The following ERGIC2 variants were observed in gnomAD, a reference collection of about 807,000 sequenced individuals.
ERGIC2 encodes the protein endoplasmic reticulum-Golgi intermediate compartment protein 2.
In ERGIC2, 31 loss-of-function variants were observed where a neutral mutation model predicts 52.5. That is an observed-to-expected ratio of 0.59 (90% CI 0.44 to 0.80). The LOEUF (loss-of-function observed/expected upper bound fraction) is 0.80. ERGIC2 is among the 30% of genes least tolerant of loss of function. The pLI, the probability that ERGIC2 is intolerant of heterozygous loss-of-function variation, is 0.00. For synonymous variants in ERGIC2, 129 were observed against 140.6 expected, an observed-to-expected ratio of 0.92 and a Z score of 0.58; for missense variants, 395 against 455.2, an observed-to-expected ratio of 0.87 and a Z score of 1.20.
intron 8 of ERGIC2, among the ~76,000 whole-genome samples, chr12:29,353,397 A>G (rs1940159592): frequency 1.3e-5 from 2 of 152,208 alleles, no homozygotes; most frequent in Non-Finnish European, 2.9e-5. Context: ...TTTTCTGAAT[A>G]ACCAAATTAC....
chr12:29,361,044 C>G (rs1332508580), intron 6 of ERGIC2, among the ~76,000 whole-genome samples: 3 of 152,144 alleles, frequency 2.0e-5, no homozygotes, highest in Non-Finnish European at 4.4e-5. Context: ...TTCAGGAGTT[C>G]AAGACCAGCC....
At chr12:29,367,629 T>C (rs1425637325) in intron 4 of ERGIC2, among the ~76,000 whole-genome samples, 2 of 151,868 alleles carry the variant, frequency 1.3e-5, no homozygotes, top group Admixed American at 6.6e-5. Context: ...CTTTTAAAAA[T>C]GTAAAAATTT....
intron 1 of ERGIC2, among the ~76,000 whole-genome samples, chr12:29,378,229 A>C (rs1940540439): frequency 1.3e-5 from 2 of 152,192 alleles, no homozygotes; most frequent in Non-Finnish European, 2.9e-5. Flanking sequence ...GGCAGAGACT[A>C]CAGTGATGTG....
chr12:29,344,762 A>T (rs1036122105), intron 11 of ERGIC2, among the ~76,000 whole-genome samples: 9 of 152,216 alleles, frequency 5.9e-5, no homozygotes, highest in Non-Finnish European at 1.2e-4. Flanking sequence ...CAAAATTTTT[A>T]AAGCACTTAA....
chr12:29,345,755 GGTC>G (rs1940040424), intron 10 of ERGIC2, among the ~76,000 whole-genome samples: 2 of 151,970 alleles, frequency 1.3e-5, no homozygotes, highest in African/African-American at 4.8e-5. Flanking sequence ...CGACCAGTCT[GGTC>G]AAGAGAGCCA....
rs1949822304 is a variant in ERGIC2, at chr12:29,339,561, T to C, written c.*1595A>G. The stretch of plus-strand genomic sequence containing the variant: ...CTCATTCACGATTCAGAATTTTCTG[T>C]TTAAAAATCTTTCAAAGTATGTTAT... On this transcript the variant is annotated 3_prime_UTR_variant, in exon 14 of 14. Transcript: ENST00000360150. 6.6e-6 allele frequency: 1 copy of C among 152,204 alleles called. No homozygotes were observed. Among genetic ancestry groups the C allele is most frequent in the Non-Finnish European group, 1.5e-5 (1 of 68,016 alleles). The allele number at this position is 152,204 out of a possible 1,614,324, so 9.4% of individuals were successfully genotyped here. A position where few individuals can be genotyped will look rare whatever the true frequency, so the allele number is the denominator to read the frequency against.
chr12:29,338,956 A>G lies in ERGIC2; in HGVS notation c.*2200T>C, dbSNP rs1282761412. 2.0e-5 allele frequency: 3 copies of G among 152,190 alleles called. No individual in the cohort carries two copies. Among genetic ancestry groups the G allele is most frequent in the Admixed American group, 6.5e-5 (1 of 15,278 alleles). The allele number at this position is 152,190 out of a possible 1,614,324, so 9.4% of individuals were successfully genotyped here. On this transcript the variant is annotated 3_prime_UTR_variant, in exon 14 of 14. Transcript: ENST00000360150. ...CCAGGCATAGGGAAAGTTGCATAAC[A>G]GGTAGGTGAGTAAAGTGCTCTCTGC...
intron 1 of ERGIC2, among the ~76,000 whole-genome samples, chr12:29,374,517 A>G (rs1235568232): frequency 6.6e-6 from 1 of 152,202 alleles, no homozygotes; most frequent in Admixed American, 6.5e-5. Context: ...CTCTCTGCAG[A>G]TATGTATAAC....
At chr12:29,342,405 G>C (rs1949846213) in intron 12 of ERGIC2, among the ~76,000 whole-genome samples, 1 of 152,112 alleles carries the variant, frequency 6.6e-6, no homozygotes, top group Non-Finnish European at 1.5e-5. Flanking sequence ...TTGAAATGAA[G>C]CACTAACAAA....
chr12:29,351,036 T>A (rs1940124102), intron 8 of ERGIC2, among the ~76,000 whole-genome samples: 1 of 152,082 alleles, frequency 6.6e-6, no homozygotes, highest in Non-Finnish European at 1.5e-5. Context: ...CTGATGGAAG[T>A]TCTCTCACTC....
intron 5 of ERGIC2, among the ~76,000 whole-genome samples, chr12:29,366,097 T>A (rs570946645): frequency 3.3e-5 from 5 of 151,916 alleles, no homozygotes; most frequent in African/African-American, 1.2e-4. Flanking sequence ...CTTTGCAAAT[T>A]TGCTAAAAGA....
At chr12:29,368,399 C>T (rs187814941) in intron 3 of ERGIC2, 112 bp from the exon 4 acceptor site, 13 of 594,016 alleles carry the variant, frequency 2.2e-5, no homozygotes, top group African/African-American at 7.7e-5. Flanking sequence ...TAAATTATGT[C>T]GATTAGAACT....
In ERGIC2 at chr12:29,357,756, A is replaced by G. The variant is rs116217265; in HGVS notation, c.375-32T>C. 1.1e-3 allele frequency: 1,356 copies of G among 1,186,010 alleles called. 15 individuals are homozygous for G. The African/African-American group carries it at 0.018, about 16-fold the overall frequency. The allele number at this position is 1,186,010 out of a possible 1,614,324, so 73.5% of individuals were successfully genotyped here. A position where few individuals can be genotyped will look rare whatever the true frequency, so the allele number is the denominator to read the frequency against. ...AAGAAGCAATAATTTAGAACTACAG[A>G]AAGGTACACAAAGAGAGCTGACACT... On this transcript the variant is annotated intron_variant, in intron 6 of 13. Transcript: ENST00000360150.
chr12:29,351,388 A>G (rs534553427), intron 8 of ERGIC2, among the ~76,000 whole-genome samples: 2 of 152,282 alleles, frequency 1.3e-5, no homozygotes, highest in Middle Eastern at 6.8e-3. Flanking sequence ...GATGTACTGA[A>G]TTTGTGTTCT....
intron 11 of ERGIC2, 25 bp from the exon 12 acceptor site, chr12:29,343,307 G>A (rs201238818): frequency 5.0e-5 from 78 of 1,549,310 alleles, no homozygotes; most frequent in South Asian, 3.9e-4. Context: ...AAAGGAAGGG[G>A]AGAAATAGGA....
Position 29,337,757 on chromosome 12 carries a change from A to G in ERGIC2, c.*3399T>C, listed in dbSNP as rs1949807249. The G allele has an allele frequency of 1.3e-5, 2 of 152,222 alleles. No homozygotes were observed. Among genetic ancestry groups the G allele is most frequent in the African/African-American group, 4.8e-5 (2 of 41,462 alleles). The allele number at this position is 152,222 out of a possible 1,614,324, so 9.4% of individuals were successfully genotyped here. ...AACTTTTAAACAATCAAAAATAGGC[A>G]TTTTGAATTCAAGTGTAAGCTCTGA... On this transcript the variant is annotated 3_prime_UTR_variant, in exon 14 of 14. Transcript: ENST00000360150.
chr12:29,345,424 C>A lies in ERGIC2; in HGVS notation c.825+19G>T. 1 of 1,301,448 alleles carries A rather than the reference C, an allele frequency of 7.7e-7. No individual in the cohort carries two copies. Among genetic ancestry groups the A allele is most frequent in the Non-Finnish European group, 1.1e-6 (1 of 917,610 alleles). 80.6% of individuals were successfully genotyped at this position (1,301,448 alleles called of 1,614,324 possible). ...TTAAAAAAATCACCAAATTATTTTA[C>A]CGGTTGGATTCAACTTACCCTTTCT... is the stretch of plus-strand genomic sequence containing the variant. On this transcript the variant is annotated intron_variant, in intron 11 of 13. Coordinates refer to ENST00000360150, the MANE Select transcript of ERGIC2 (RefSeq NM_016570.3).
At chr12:29,365,833 TA>T (rs1311179110) in intron 5 of ERGIC2, among the ~76,000 whole-genome samples, 9 of 151,974 alleles carry the variant, frequency 5.9e-5, no homozygotes, top group Non-Finnish European at 1.0e-4. Flanking sequence ...ACTAAGCTCA[TA>T]AAAAATTACT....
intron 10 of ERGIC2, among the ~76,000 whole-genome samples, chr12:29,346,502 T>C (rs992579468): frequency 2.0e-5 from 3 of 152,156 alleles, no homozygotes; most frequent in Non-Finnish European, 4.4e-5. Flanking sequence ...CATTTCTTTA[T>C]AGTACAGAAA....
Sources: allele counts gnomAD v4.1 joint callset (sites outside exome capture counted in the v4.1 genomes callset), GRCh38; gene constraint gnomAD v4.1.1; transcripts MANE v1.5; gene names NCBI Gene and HGNC (gene_info 2026-07-23, HGNC 2026-07-21).